CSMD1: variants seen among roughly 807,000 people sequenced by gnomAD.
CSMD1 encodes the protein CUB and Sushi multiple domains 1.
A neutral mutation model predicts 417.5 loss-of-function variants in CSMD1; 213 were observed. That is an observed-to-expected ratio of 0.51 (90% CI 0.46 to 0.57). The LOEUF is 0.57. Ranked by LOEUF, CSMD1 falls within the 20% of genes least tolerant of loss-of-function variation. CSMD1 has a pLI of 0.00. For synonymous variants in CSMD1, 2,862 were observed against 1,736.8 expected, an observed-to-expected ratio of 1.65 and a Z score of -16.11; for missense variants, 6,923 against 4,529.7, an observed-to-expected ratio of 1.53 and a Z score of -15.17.
At chr8:4,788,348 A>G in intron 1 of CSMD1, 1 of 1,513,748 alleles carries the variant, frequency 6.6e-7, no homozygotes. Flanking sequence ...CTGCATATCC[A>G]GTTATCACCT....
intron 3 of CSMD1, among the ~76,000 whole-genome samples, chr8:4,348,056 A>G (rs1341247140): frequency 6.6e-6 from 1 of 152,166 alleles, no homozygotes; most frequent in Non-Finnish European, 1.5e-5. Flanking sequence ...ACATACTCCA[A>G]AATACACCAG....
At chr8:4,035,825 A>T (rs957619455) in intron 3 of CSMD1, among the ~76,000 whole-genome samples, 1 of 152,080 alleles carries the variant, frequency 6.6e-6, no homozygotes, top group Non-Finnish European at 1.5e-5. Context: ...CATTTAGTGT[A>T]CTCTAAGTGT....
At chr8:4,046,072 T>A (rs189636624) in intron 3 of CSMD1, among the ~76,000 whole-genome samples, 12 of 152,254 alleles carry the variant, frequency 7.9e-5, no homozygotes, top group Admixed American at 2.6e-4. Flanking sequence ...TTCTCCCAAT[T>A]TATATACACA....
intron 5 of CSMD1, among the ~76,000 whole-genome samples, chr8:3,925,488 A>C (rs1247140847): frequency 1.3e-5 from 2 of 152,202 alleles, no homozygotes; most frequent in Non-Finnish European, 2.9e-5. Flanking sequence ...GCTGGGTGGT[A>C]AGACACTGAT....
chr8:4,690,566 T>A (rs952438776), intron 1 of CSMD1, among the ~76,000 whole-genome samples: 1 of 152,164 alleles, frequency 6.6e-6, no homozygotes, highest in African/African-American at 2.4e-5. Flanking sequence ...AGAAAAAGGA[T>A]GAATTCTAAA....
chr8:4,470,244 A>AT lies in CSMD1; in HGVS notation c.303-50180dup, dbSNP rs199655595. ...GATATTTTTCAGCCCTGCCAGGTCC[A>AT]TTTCCCATCAGGGGCTCCTCCTCTA... On this transcript the variant is annotated intron_variant, in intron 2 of 69. Coordinates refer to ENST00000635120, the MANE Select transcript of CSMD1 (RefSeq NM_033225.6). Among the ~76,000 whole-genome samples the AT allele has an allele frequency of 6.8e-3, 1,030 of 151,970 alleles. 9 individuals are homozygous for AT. The highest frequency in any genetic ancestry group is 0.024 in the African/African-American group (983 of 41,440).
At chr8:3,309,793 A>C (rs1284770043) in intron 23 of CSMD1, among the ~76,000 whole-genome samples, 2 of 152,170 alleles carry the variant, frequency 1.3e-5, no homozygotes, top group African/African-American at 4.8e-5. Flanking sequence ...ATTGAGGAAA[A>C]TGTATTCTTA....
chr8:3,353,919 C>G (rs770610850), intron 21 of CSMD1, among the ~76,000 whole-genome samples: 1 of 152,092 alleles, frequency 6.6e-6, no homozygotes, highest in Non-Finnish European at 1.5e-5. Context: ...TCAGTCAATT[C>G]TTCTGTACAA....
chr8:3,210,549 G>T (rs1021455892), intron 30 of CSMD1, among the ~76,000 whole-genome samples: 2 of 133,586 alleles, frequency 1.5e-5, no homozygotes, highest in African/African-American at 2.8e-5. Context: ...ATATATACGT[G>T]TGTATATATG....
chr8:3,794,351 G>T (rs753346021), intron 5 of CSMD1, among the ~76,000 whole-genome samples: 1 of 152,194 alleles, frequency 6.6e-6, no homozygotes, highest in East Asian at 1.9e-4. Context: ...ACATATGTTT[G>T]CTAAATAAAA....
chr8:4,253,279 A>G (rs1419779569), intron 3 of CSMD1, among the ~76,000 whole-genome samples: 1 of 152,210 alleles, frequency 6.6e-6, no homozygotes, highest in East Asian at 1.9e-4. Flanking sequence ...CCCTGAGGCT[A>G]AATTAGACAT....
intron 3 of CSMD1, among the ~76,000 whole-genome samples, chr8:4,050,024 T>C (rs7836401): frequency 0.038 from 5,822 of 152,248 alleles, 346 homozygotes; most frequent in African/African-American, 0.12. Flanking sequence ...TTTTCAGAAG[T>C]TGCGGCCAGA....
In CSMD1 at chr8:3,327,161, G is replaced by A. The variant is rs540386493; in HGVS notation, c.3631+16133C>T. 5.3e-5 allele frequency among the ~76,000 whole-genome samples: 6 copies of A among 113,820 alleles called. No individual in the cohort carries two copies. In the East Asian group the frequency reaches 1.4e-3, roughly 27 times the overall value. The allele number at this position is 113,820 out of a possible 152,430, so 74.7% of individuals were successfully genotyped here. A position where few individuals can be genotyped will look rare whatever the true frequency, so the allele number is the denominator to read the frequency against. On this transcript the variant is annotated intron_variant, in intron 23 of 69. Coordinates refer to ENST00000635120, the MANE Select transcript of CSMD1 (RefSeq NM_033225.6). ...TACAATACCATCTTTTTTTTTTTTT[G>A]AAAGAGACTCTCTCTGTCACCCAGG...
intron 2 of CSMD1, among the ~76,000 whole-genome samples, chr8:4,627,920 C>T (rs141922130): frequency 1.1e-4 from 17 of 152,180 alleles, no homozygotes; most frequent in South Asian, 2.1e-4. Flanking sequence ...ATCCTGTCCA[C>T]TGCAGGACGA....
At chr8:4,223,865 C>T (rs1388594941) in intron 3 of CSMD1, among the ~76,000 whole-genome samples, 1 of 152,142 alleles carries the variant, frequency 6.6e-6, no homozygotes, top group Non-Finnish European at 1.5e-5. Context: ...GTAAAGGTCC[C>T]TAAAAGTCCT....
At chr8:3,077,845 T>C (rs183491556) in intron 49 of CSMD1, among the ~76,000 whole-genome samples, 153 of 152,368 alleles carry the variant, frequency 1.0e-3, no homozygotes, top group African/African-American at 3.5e-3. Context: ...AGCTGGTATC[T>C]TAAACTGCAC....
intron 37 of CSMD1, among the ~76,000 whole-genome samples, chr8:3,169,297 G>C (rs962493611): frequency 6.6e-6 from 1 of 152,032 alleles, no homozygotes; most frequent in South Asian, 2.1e-4. Context: ...TTTTTGATAG[G>C]AGACCACAGT....
At position 3,284,036 on chromosome 8, in the gene CSMD1, A is replaced by G. The variant is rs899392088; in HGVS notation, c.4153+108T>C. 9.7e-6 allele frequency: 9 copies of G among 926,748 alleles called. No individual in the cohort carries two copies. In the African/African-American group the frequency reaches 1.2e-4, roughly 12 times the overall value. 57.4% of individuals were successfully genotyped at this position (926,748 alleles called of 1,614,324 possible). On this transcript the variant is annotated intron_variant, in intron 26 of 69. Coordinates refer to ENST00000635120, the MANE Select transcript of CSMD1 (RefSeq NM_033225.6). ...TTCCTAACTTCAAATTAGGCTCAAT[A>G]AATTGCATCTGTGTAAGGAGACGCT...
chr8:4,633,913 C>G (rs567326848), intron 2 of CSMD1, among the ~76,000 whole-genome samples: 2 of 151,410 alleles, frequency 1.3e-5, no homozygotes, highest in South Asian at 4.2e-4. Context: ...CATGGTTGGA[C>G]CTTACTGGAG....
Sources: gnomAD v4.1 joint callset for allele counts (sites outside exome capture counted in the v4.1 genomes callset) on GRCh38, gnomAD v4.1.1 for gene constraint, MANE v1.5 for transcripts, NCBI Gene and HGNC (gene_info 2026-07-23, HGNC 2026-07-21) for gene names.